IL16: variants seen among roughly 807,000 people sequenced by gnomAD.
The protein encoded by IL16 is pro-interleukin-16.
A neutral mutation model predicts 110.1 loss-of-function variants in IL16; 67 were observed. The observed-to-expected ratio is 0.61, with a 90% CI of 0.50 to 0.75. The LOEUF is 0.75. IL16 is among the 30% of genes least tolerant of loss of function. The probability of loss-of-function intolerance (pLI) is 0.00; values close to 1 mark genes in which losing one functional copy is unlikely to be tolerated. For missense variants in IL16, 1,545 were observed against 1,655.0 expected, an observed-to-expected ratio of 0.93 and a Z score of 1.15; for synonymous variants, 689 against 662.9, an observed-to-expected ratio of 1.04 and a Z score of -0.61.
intron 1 of IL16, among the ~76,000 whole-genome samples, chr15:81,212,065 G>A (rs1050200558): frequency 3.3e-5 from 5 of 152,058 alleles, no homozygotes; most frequent in Middle Eastern, 3.4e-3. Flanking sequence ...AATAGTTTCG[G>A]TAGGATTGAT....
chr15:81,237,486 T>C (rs1318618677), intron 2 of IL16, among the ~76,000 whole-genome samples: 3 of 152,204 alleles, frequency 2.0e-5, no homozygotes, highest in Non-Finnish European at 2.9e-5. Context: ...ATTGAACATA[T>C]AAAAATGAAT....
rs996183571 is a variant in IL16 at position 81,306,065 on chromosome 15, T to C, written c.3578T>C (p.Ile1193Thr). 6.2e-7 allele frequency: 1 copy of C among 1,614,210 alleles called. No homozygotes were observed. ...GCTCGAGAGCCCAGGCAAGCTGTGA[T>C]TGTCACAAGGAAGCTGACTCCAGAG... ...RQAREPRQAV[I>T]VTRKLTPEAM... The change falls in exon 17 of 19, where the codon ATT (isoleucine) becomes ACT (threonine). Residue 1193 changes from isoleucine (I) to threonine (T), a missense_variant. Ile to Thr is a moderately conservative substitution (Grantham distance 89). Transcript: ENST00000683961.
intron 10 of IL16, among the ~76,000 whole-genome samples, chr15:81,288,579 T>G (rs1451531043): frequency 6.6e-6 from 1 of 152,180 alleles, no homozygotes; most frequent in East Asian, 1.9e-4. Flanking sequence ...CTTTCCATCT[T>G]TCAGAATTTA....
At position 81,265,727 on chromosome 15, in the gene IL16, A is replaced by C; in HGVS notation, c.490A>C (p.Arg164=). The change falls in exon 4 of 19, where the codon AGG becomes CGG. Residue 164 remains arginine, a synonymous_variant. Transcript: ENST00000683961. ...CAAGAAATCTGCAGCGCCCACGGAC[A>C]GGCAGCCTTACTCTCTCTGCAGTAA... The part of the protein sequence containing the change: ...MTKKSAAPTD[R]QPYSLCSNRK... The C allele has an allele frequency of 6.2e-7, 1 of 1,614,034 alleles. No individual in the cohort carries two copies.
At chr15:81,272,031 C>T (rs1295314006) in intron 5 of IL16, among the ~76,000 whole-genome samples, 1 of 152,256 alleles carries the variant, frequency 6.6e-6, no homozygotes, top group East Asian at 1.9e-4. Flanking sequence ...CACTGCCTGG[C>T]ATGCTTGTAC....
intron 4 of IL16, 144 bp downstream of exon 4, chr15:81,265,945 CAAG>C: frequency 2.7e-6 from 2 of 738,178 alleles, no homozygotes; most frequent in Non-Finnish European, 2.2e-6. Flanking sequence ...TTAGTAGCTG[CAAG>C]AAGGTACAAC....
chr15:81,300,433 G>C lies in IL16; in HGVS notation c.3107G>C (p.Gly1036Ala). The change falls in exon 14 of 19, where the codon GGT (glycine) becomes GCT (alanine). Residue 1036 changes from glycine (G) to alanine (A), a missense_variant. By Grantham distance (60) the Gly-to-Ala change is moderately conservative. This residue lies in a region of IL16 where 356 missense variants were observed against 399.3 expected (regional missense o/e 0.89). Coordinates refer to ENST00000683961, the MANE Select transcript of IL16 (RefSeq NM_172217.5). ...SSSNEDSAAN[G>A]SAETSALDTG... ...TCCAACGAAGACTCAGCTGCAAATGGTTCTGCTGAAACATCTGCCTTGGAC... is the reference window on the plus strand; with the variant it reads ...TCCAACGAAGACTCAGCTGCAAATGCTTCTGCTGAAACATCTGCCTTGGAC... 2 of 1,614,072 alleles carry C rather than the reference G, an allele frequency of 1.2e-6. No homozygotes were observed. Among genetic ancestry groups the C allele is most frequent in the Non-Finnish European group, 1.7e-6 (2 of 1,179,988 alleles).
intron 2 of IL16, among the ~76,000 whole-genome samples, chr15:81,258,040 C>G (rs1329588946): frequency 6.6e-6 from 1 of 152,134 alleles, no homozygotes; most frequent in Non-Finnish European, 1.5e-5. Flanking sequence ...TGTGCACACA[C>G]ATACAAGAAT....
At position 81,278,847 on chromosome 15, in the gene IL16, C is replaced by A. The variant is rs1411332555; in HGVS notation, c.821C>A (p.Ser274Ter). 6.2e-7 allele frequency: 1 copy of A among 1,613,092 alleles called. No homozygotes were observed. Among genetic ancestry groups the A allele is most frequent in the Non-Finnish European group, 8.5e-7 (1 of 1,179,130 alleles). ...GAAATTCTGGAGCTCAATGGTGAAT[C>A]AATGGCTGGACTAACACATCAGGAT... ...GDEILELNGE[S>*]MAGLTHQDAL... Residue 274 changes from serine (S) to a stop codon, truncating the protein, a stop_gained, in exon 7 of 19, where the codon TCA becomes TAA. Coordinates refer to ENST00000683961, the MANE Select transcript of IL16 (RefSeq NM_172217.5). LOFTEE classifies it high-confidence loss of function.
intron 1 of IL16, among the ~76,000 whole-genome samples, chr15:81,210,451 C>T (rs1896196983): frequency 6.6e-6 from 1 of 152,182 alleles, no homozygotes; most frequent in Admixed American, 6.5e-5. Flanking sequence ...TTGCTTTGAG[C>T]AGTATGGCCA....
chr15:81,253,457 G>A (rs1448567093), intron 2 of IL16, among the ~76,000 whole-genome samples: 1 of 151,948 alleles, frequency 6.6e-6, no homozygotes, highest in African/African-American at 2.4e-5. Context: ...GTCCTTTGAG[G>A]CACAAAAGTT....
chr15:81,308,869 G>T lies in IL16; in HGVS notation c.*71G>T. ...AGCTCCCATAACCGCTGATTCTCAG[G>T]GTCTCTGCTGCCGCCCCACCCAGAT... On this transcript the variant is annotated 3_prime_UTR_variant, in exon 19 of 19. Transcript: ENST00000683961. 7.4e-7 allele frequency: 1 copy of T among 1,357,028 alleles called. No individual in the cohort carries two copies. Among genetic ancestry groups the T allele is most frequent in the Non-Finnish European group, 1.0e-6 (1 of 989,370 alleles). 84.1% of individuals were successfully genotyped at this position (1,357,028 alleles called of 1,614,324 possible).
At chr15:81,265,561 C>A in intron 3 of IL16, 98 bp from the exon 4 acceptor site, 1 of 1,358,544 alleles carries the variant, frequency 7.4e-7, no homozygotes, top group Non-Finnish European at 1.0e-6. Flanking sequence ...TACAGTCACA[C>A]TGGCCCCTGG....
intron 2 of IL16, among the ~76,000 whole-genome samples, chr15:81,232,265 T>A (rs77747787): frequency 1.3e-5 from 2 of 152,106 alleles, no homozygotes; most frequent in Non-Finnish European, 2.9e-5. Context: ...TTTCAGCATA[T>A]CCAATCGTTA....
intron 2 of IL16, among the ~76,000 whole-genome samples, chr15:81,232,042 G>GTTTTTTTGTT (rs1897008513): frequency 3.3e-3 from 192 of 57,614 alleles, no homozygotes; most frequent in Non-Finnish European, 5.2e-3. Context: ...ATTTGTTCTT[G>GTTTTTTTGTT]TTTTTTTTTT....
At chr15:81,198,099 CT>C (rs1368120557) in intron 1 of IL16, among the ~76,000 whole-genome samples, 1 of 152,188 alleles carries the variant, frequency 6.6e-6, no homozygotes, top group Non-Finnish European at 1.5e-5. Context: ...GGCACCTCCC[CT>C]GCTGCAGATA....
intron 1 of IL16, among the ~76,000 whole-genome samples, chr15:81,190,021 C>G (rs990796140): frequency 1.3e-5 from 2 of 152,214 alleles, no homozygotes; most frequent in Non-Finnish European, 2.9e-5. Flanking sequence ...GAACTCCACC[C>G]TTGTCCTGTC....
intron 12 of IL16, chr15:81,295,350 C>G (rs1899933370): frequency 8.3e-7 from 1 of 1,205,398 alleles, no homozygotes; most frequent in South Asian, 1.4e-5. Flanking sequence ...TCTGAAGTCT[C>G]CCATGAAGAG....
At chr15:81,267,815 C>G (rs976187695) in intron 4 of IL16, among the ~76,000 whole-genome samples, 6 of 152,220 alleles carry the variant, frequency 3.9e-5, no homozygotes, top group African/African-American at 1.4e-4. Flanking sequence ...GGAGGTCTGT[C>G]TTTTCTCTAT....
Sources: allele counts gnomAD v4.1 joint callset (sites outside exome capture counted in the v4.1 genomes callset), GRCh38; gene constraint gnomAD v4.1.1; regional missense constraint gnomAD v4.1.1; transcripts MANE v1.5; gene names NCBI Gene and HGNC (gene_info 2026-07-23, HGNC 2026-07-21).